USP49: variants seen among roughly 807,000 people sequenced by gnomAD.
USP49 encodes the protein ubiquitin carboxyl-terminal hydrolase 49.
A neutral mutation model predicts 58.6 loss-of-function variants in USP49; 24 were observed. The observed-to-expected ratio is 0.41, with a 90% confidence interval of 0.30 to 0.58. USP49 has a LOEUF of 0.58. USP49 is among the 20% of genes least tolerant of loss of function. USP49 has a pLI of 0.30. For missense variants in USP49, 703 were observed against 866.1 expected, an observed-to-expected ratio of 0.81 and a Z score of 2.36; for synonymous variants, 408 against 365.1, an observed-to-expected ratio of 1.12 and a Z score of -1.34.
At position 41,806,941 on chromosome 6, in the gene USP49, C is replaced by A. The variant is rs776761741; in HGVS notation, c.43G>T (p.Asp15Tyr). The change falls in exon 4 of 8, where the codon GAC (aspartate) becomes TAC (tyrosine). Residue 15 changes from aspartate to tyrosine, a missense_variant. This residue lies in a region of USP49 where 376 missense variants were observed against 373.5 expected (regional missense o/e 1.01). Coordinates refer to ENST00000682992, the MANE Select transcript of USP49 (RefSeq NM_001286554.2). The surrounding 1 kb of genome is among the most constrained non-coding windows in gnomAD (Gnocchi z 5.9). ...TTCTGAGGGTTCAGGATGGAGTGGT[C>A]CTGGGCGAGCCGTAACCGCCCTACA... is the stretch of plus-strand genomic sequence containing the variant. ...KHVGRLRLAQ[D>Y]HSILNPQKWC... 7 of 1,601,380 alleles carry A rather than the reference C, an allele frequency of 4.4e-6. No homozygotes were observed. Among genetic ancestry groups the A allele is most frequent in the Non-Finnish European group, 6.0e-6 (7 of 1,172,868 alleles).
intron 5 of USP49, among the ~76,000 whole-genome samples, chr6:41,801,462 C>T (rs528455718): frequency 6.6e-6 from 1 of 152,214 alleles, no homozygotes; most frequent in African/African-American, 2.4e-5. Context: ...ATAGGAGAAG[C>T]TTTTACCAGG....
chr6:41,840,271 G>C (rs987053136), intron 3 of USP49, among the ~76,000 whole-genome samples: 5 of 151,760 alleles, frequency 3.3e-5, no homozygotes, highest in Admixed American at 3.3e-4. Flanking sequence ...CTACTCGGGA[G>C]GCTGAGGCAG....
At chr6:41,872,669 C>T (rs1324975377) in intron 2 of USP49, among the ~76,000 whole-genome samples, 9 of 150,898 alleles carry the variant, frequency 6.0e-5, no homozygotes, top group Non-Finnish European at 1.3e-4. Flanking sequence ...GAGGCCGAGA[C>T]GGGCGGATCA....
At chr6:41,853,326 G>A (rs188925288) in intron 3 of USP49, among the ~76,000 whole-genome samples, 5 of 152,314 alleles carry the variant, frequency 3.3e-5, no homozygotes, top group Non-Finnish European at 5.9e-5. Flanking sequence ...ATCTAAAGAA[G>A]TCAAATTCAT....
At chr6:41,828,596 T>C (rs138846875) in intron 3 of USP49, among the ~76,000 whole-genome samples, 367 of 152,372 alleles carry the variant, frequency 2.4e-3, no homozygotes, top group Non-Finnish European at 4.0e-3. Context: ...TATTAAATGA[T>C]TGGAGTTCTT....
At chr6:41,804,087 A>G in intron 4 of USP49, 77 bp from the exon 5 acceptor site, 1 of 1,340,286 alleles carries the variant, frequency 7.5e-7, no homozygotes, top group Non-Finnish European at 1.0e-6. Flanking sequence ...TTCATAAAAG[A>G]CACACTTTAT....
At chr6:41,854,085 G>A (rs180948036) in intron 3 of USP49, among the ~76,000 whole-genome samples, 1,959 of 151,276 alleles carry the variant, frequency 0.013, 27 homozygotes, top group South Asian at 0.062. Context: ...GGGAGGCTGA[G>A]GCAGGTGGAT....
At chr6:41,855,406 C>G (rs1475449093) in intron 3 of USP49, among the ~76,000 whole-genome samples, 1 of 151,432 alleles carries the variant, frequency 6.6e-6, no homozygotes, top group Non-Finnish European at 1.5e-5. Flanking sequence ...TCCCAGCTAC[C>G]TGAGAGGCTG....
At chr6:41,862,031 T>A (rs1305602811) in intron 3 of USP49, among the ~76,000 whole-genome samples, 7 of 152,212 alleles carry the variant, frequency 4.6e-5, no homozygotes, top group Non-Finnish European at 7.3e-5. Context: ...CTGTAGCATA[T>A]GCTATGCTAT....
intron 3 of USP49, among the ~76,000 whole-genome samples, chr6:41,867,300 G>A (rs1169371545): frequency 2.6e-5 from 4 of 152,076 alleles, no homozygotes; most frequent in Non-Finnish European, 5.9e-5. Context: ...TCTGCTGACT[G>A]TCACTCAAAT....
At chr6:41,836,857 G>GCACA (rs149924359) in intron 3 of USP49, among the ~76,000 whole-genome samples, 53 of 146,702 alleles carry the variant, frequency 3.6e-4, no homozygotes, top group Admixed American at 6.2e-4. Context: ...ACACACACAC[G>GCACA]CACACACACA....
intron 3 of USP49, among the ~76,000 whole-genome samples, chr6:41,848,396 G>A (rs68017625): frequency 0.15 from 22,827 of 151,726 alleles, 1,765 homozygotes; most frequent in East Asian, 0.25. Context: ...AGATAGGCTC[G>A]CACGCTGTTA....
At chr6:41,800,089 G>C (rs1317172909) in intron 5 of USP49, 151 bp from the exon 6 acceptor site, 1 of 649,052 alleles carries the variant, frequency 1.5e-6, no homozygotes, top group Non-Finnish European at 2.8e-6. Context: ...CACTCTTTAT[G>C]ACTGCATTTC....
chr6:41,793,684 C>T lies in USP49; in HGVS notation c.*2849G>A, dbSNP rs1431154027. 1 of 152,182 alleles carries T rather than the reference C, an allele frequency of 6.6e-6. No individual in the cohort carries two copies. Among genetic ancestry groups the T allele is most frequent in the Non-Finnish European group, 1.5e-5 (1 of 68,034 alleles). The allele number at this position is 152,182 out of a possible 1,614,324, so 9.4% of individuals were successfully genotyped here. A position where few individuals can be genotyped will look rare whatever the true frequency, so the allele number is the denominator to read the frequency against. On this transcript the variant is annotated 3_prime_UTR_variant, in exon 8 of 8. Transcript: ENST00000682992. ...ATAAGAGCTTCAGTTCTGCCAAGGG[C>T]ATTCCTAACTATTTTTATACTAGCA...
chr6:41,883,415 G>T (rs1473626189), intron 2 of USP49, among the ~76,000 whole-genome samples: 1 of 150,658 alleles, frequency 6.6e-6, no homozygotes, highest in Non-Finnish European at 1.5e-5. Context: ...CCAGCACTTT[G>T]GGAGGCCGAG....
intron 3 of USP49, among the ~76,000 whole-genome samples, chr6:41,840,704 T>C (rs79265527): frequency 0.017 from 2,567 of 152,322 alleles, 54 homozygotes; most frequent in African/African-American, 0.051. Context: ...TTTATAACAC[T>C]GTGGATGGAT....
At chr6:41,810,512 A>T (rs534175600) in intron 3 of USP49, among the ~76,000 whole-genome samples, 39 of 148,786 alleles carry the variant, frequency 2.6e-4, no homozygotes, top group South Asian at 6.4e-4. Flanking sequence ...AATAAATAAA[A>T]AATAAATAAA....
At chr6:41,824,843 G>T (rs1466835151) in intron 3 of USP49, among the ~76,000 whole-genome samples, 3 of 152,216 alleles carry the variant, frequency 2.0e-5, no homozygotes, top group Non-Finnish European at 4.4e-5. Context: ...ACAGGTCCAA[G>T]AGAATGTGCT....
In USP49 at chr6:41,856,324, G is replaced by C. The variant is rs553793767; in HGVS notation, c.-29+15240C>G. Among the ~76,000 whole-genome samples, 6 of 151,374 alleles carry C rather than the reference G, an allele frequency of 4.0e-5. No individual in the cohort carries two copies. The South Asian group carries it at 1.3e-3, about 32-fold the overall frequency. On this transcript the variant is annotated intron_variant, in intron 3 of 7. Transcript: ENST00000682992. ...CGGGAGGCGGAGCTTGCAGTGAGCC[G>C]AGATGGCGCCACTGGACTCCAGCCT...
Sources: allele counts gnomAD v4.1 joint callset (sites outside exome capture counted in the v4.1 genomes callset), GRCh38; gene constraint gnomAD v4.1.1; regional missense constraint gnomAD v4.1.1; non-coding constraint Gnocchi (gnomAD v3.1); transcripts MANE v1.5; gene names NCBI Gene and HGNC (gene_info 2026-07-23, HGNC 2026-07-21).